DPYSL2: variants seen among roughly 807,000 people sequenced by gnomAD.
The protein encoded by DPYSL2 is dihydropyrimidinase-related protein 2.
Under a neutral mutation model 69.9 loss-of-function variants are expected in DPYSL2, and 13 were observed. The observed-to-expected ratio is 0.19, with a 90% CI of 0.12 to 0.30. The LOEUF is 0.30. Ranked by LOEUF, DPYSL2 falls within the 10% of genes least tolerant of loss-of-function variation. DPYSL2 has a pLI of 1.00. For synonymous variants in DPYSL2, 326 were observed against 359.1 expected (o/e 0.91, Z 1.04); for missense variants, 587 against 918.9 (o/e 0.64, Z 4.67).
At position 26,617,359 on chromosome 8, in the gene DPYSL2, G is replaced by A. The variant is rs145820593; in HGVS notation, c.629-6784G>A. Among the ~76,000 whole-genome samples, 900 of 152,284 alleles carry A rather than the reference G, an allele frequency of 5.9e-3. 10 individuals carry two copies. Among genetic ancestry groups the A allele is most frequent in the African/African-American group, 0.021 (861 of 41,540 alleles). ...AATAATAATAAAATTAGACAGTGTG[G>A]TGGCGCACGCCTGTGGTCCTAGCTA... On this transcript the variant is annotated intron_variant, in intron 3 of 13. Coordinates refer to ENST00000521913, the MANE Select transcript of DPYSL2 (RefSeq NM_001197293.3). The surrounding 1 kb of genome is among the most constrained non-coding windows in gnomAD (Gnocchi z 4.7).
chr8:26,586,570 C>A lies in DPYSL2; in HGVS notation c.628+2587C>A, dbSNP rs1801608696. Among the ~76,000 whole-genome samples, 1 of 152,128 alleles carries A rather than the reference C, an allele frequency of 6.6e-6. No homozygotes were observed. The highest frequency in any genetic ancestry group is 2.4e-5 in the African/African-American group (1 of 41,442). Reference sequence around the variant, plus strand: ...CTCTTTCCTGCCTTCCCTTCCCCACCACAGGAGCATCACCTTCTTGCCACC... The same window carrying A: ...CTCTTTCCTGCCTTCCCTTCCCCACAACAGGAGCATCACCTTCTTGCCACC... On this transcript the variant is annotated intron_variant, in intron 3 of 13. Transcript: ENST00000521913. This position sits in a 1 kb window ranked among gnomAD's most constrained non-coding sequence, Gnocchi z 4.7.
chr8:26,610,989 G>C lies in DPYSL2; in HGVS notation c.629-13154G>C, dbSNP rs116432520. On this transcript the variant is annotated intron_variant, in intron 3 of 13. Transcript: ENST00000521913. This position sits in a 1 kb window ranked among gnomAD's most constrained non-coding sequence, Gnocchi z 4.5. ...ATGGTAGAGCTGGGGTGTAAACTCA[G>C]GCTTTCTGACTCCAAAGTTCATATT... is the stretch of plus-strand genomic sequence containing the variant. Among the ~76,000 whole-genome samples the C allele has an allele frequency of 4.1e-3, 618 of 152,272 alleles. 7 individuals are homozygous for C. Among genetic ancestry groups the C allele is most frequent in the African/African-American group, 0.014 (596 of 41,564 alleles).
chr8:26,537,798 T>C (rs904320076), intron 1 of DPYSL2, among the ~76,000 whole-genome samples: 1 of 152,182 alleles, frequency 6.6e-6, no homozygotes, highest in African/African-American at 2.4e-5. Flanking sequence ...TACCCTCTAA[T>C]CCCCAGATTT....
chr8:26,545,063 A>G (rs1800743798), intron 1 of DPYSL2, among the ~76,000 whole-genome samples: 1 of 152,236 alleles, frequency 6.6e-6, no homozygotes, highest in Admixed American at 6.5e-5. Context: ...CATTAATAGT[A>G]GGGGACTTTG....
rs1018384132 is a variant in DPYSL2, at chr8:26,627,514, G to A, written c.936+219G>A. ...CAGAACATCTAAGTCAGTTACTATT[G>A]CAGAGAGAGGCCATTTCTCTCGGTG... On this transcript the variant is annotated intron_variant, in intron 6 of 13. Coordinates refer to ENST00000521913, the MANE Select transcript of DPYSL2 (RefSeq NM_001197293.3). The surrounding 1 kb of genome is among the most constrained non-coding windows in gnomAD (Gnocchi z 6.9). Among the ~76,000 whole-genome samples the A allele has an allele frequency of 6.6e-6, 1 of 152,078 alleles. No individual in the cohort carries two copies. The highest frequency in any genetic ancestry group is 1.5e-5 in the Non-Finnish European group (1 of 68,010).
intron 3 of DPYSL2, among the ~76,000 whole-genome samples, chr8:26,596,814 C>A (rs149322443): frequency 6.6e-6 from 1 of 152,154 alleles, no homozygotes; most frequent in African/African-American, 2.4e-5. Context: ...TCCTAGAATG[C>A]GAGAGGAACG....
intron 3 of DPYSL2, among the ~76,000 whole-genome samples, chr8:26,622,456 G>T (rs62493361): frequency 5.4e-5 from 6 of 112,124 alleles, no homozygotes; most frequent in Admixed American, 5.0e-4. Flanking sequence ...GTATGTGTGT[G>T]TGTGTGTGTG....
chr8:26,628,375 C>T (rs2129919050), intron 7 of DPYSL2, among the ~76,000 whole-genome samples: 1 of 152,300 alleles, frequency 6.6e-6, no homozygotes, highest in South Asian at 2.1e-4. Context: ...TAACCCTGCA[C>T]AGGATATCAC....
intron 1 of DPYSL2, among the ~76,000 whole-genome samples, chr8:26,559,426 G>A (rs1801039352): frequency 6.6e-6 from 1 of 152,144 alleles, no homozygotes; most frequent in South Asian, 2.1e-4. Flanking sequence ...AAATGAGAGA[G>A]CCCATTGCTT....
At chr8:26,607,992 G>A (rs1404849305) in intron 3 of DPYSL2, among the ~76,000 whole-genome samples, 2 of 150,278 alleles carry the variant, frequency 1.3e-5, no homozygotes, top group Non-Finnish European at 2.9e-5. Context: ...CAGGAGAATC[G>A]CTTGAACCTG....
In DPYSL2 at chr8:26,656,359, C is replaced by G. The variant is rs1803391306; in HGVS notation, c.*653C>G. The stretch of plus-strand genomic sequence containing the variant: ...CCCACCCGCATCGCCATTCTGTAGT[C>G]TTCAGGGTCAGCTGTTGATAAAGGG... On this transcript the variant is annotated 3_prime_UTR_variant, in exon 14 of 14. Coordinates refer to ENST00000521913, the MANE Select transcript of DPYSL2 (RefSeq NM_001197293.3). 1 of 152,512 alleles carries G rather than the reference C, an allele frequency of 6.6e-6. No homozygotes were observed. The highest frequency in any genetic ancestry group is 1.5e-5 in the Non-Finnish European group (1 of 68,024). The allele number at this position is 152,512 out of a possible 1,614,324, so 9.4% of individuals were successfully genotyped here.
rs377248653 is a variant in DPYSL2, at chr8:26,586,760, C to T, written c.628+2777C>T. ...CAGATGGCCTTATGGGCAGGTGGTC[C>T]GGAAAGGGGAGTGAGGAGTCTGACC... is the stretch of plus-strand genomic sequence containing the variant. On this transcript the variant is annotated intron_variant, in intron 3 of 13. Transcript: ENST00000521913. The surrounding 1 kb of genome is among the most constrained non-coding windows in gnomAD (Gnocchi z 4.7). Among the ~76,000 whole-genome samples the T allele has an allele frequency of 1.2e-4, 18 of 152,254 alleles. No homozygotes were observed. The highest frequency in any genetic ancestry group is 3.6e-4 in the African/African-American group (15 of 41,530).
intron 3 of DPYSL2, among the ~76,000 whole-genome samples, chr8:26,623,609 C>A (rs758838959): frequency 6.6e-6 from 1 of 152,186 alleles, no homozygotes; most frequent in Non-Finnish European, 1.5e-5. Context: ...ACACTTTGAA[C>A]TCTTAAGATG....
chr8:26,555,755 CG>C (rs1041351193), intron 1 of DPYSL2, among the ~76,000 whole-genome samples: 6 of 150,110 alleles, frequency 4.0e-5, no homozygotes, highest in Admixed American at 2.7e-4. Flanking sequence ...GGTTGGGGGG[CG>C]TGCACCTGTA....
At chr8:26,592,225 G>A (rs1050086350) in intron 3 of DPYSL2, among the ~76,000 whole-genome samples, 4 of 152,078 alleles carry the variant, frequency 2.6e-5, no homozygotes, top group Non-Finnish European at 5.9e-5. Flanking sequence ...GCAGTGTTGC[G>A]ATCATAGCTC....
Position 26,634,816 on chromosome 8 carries a change from G to A in DPYSL2, c.1042G>A (p.Ala348Thr), listed in dbSNP as rs1451047756. The change falls in exon 8 of 14, where the codon GCC becomes ACC. Residue 348 changes from alanine to threonine, a missense_variant. This residue lies in a region of DPYSL2 where 452 missense variants were observed against 754.3 expected (regional missense o/e 0.60). Coordinates refer to ENST00000521913, the MANE Select transcript of DPYSL2 (RefSeq NM_001197293.3). ...AGCCGTGAATCGTGCCATCACCATCGCCAACCAGACCAACTGCCCGCTGTA... is the reference window on the plus strand; with the variant it reads ...AGCCGTGAATCGTGCCATCACCATCACCAACCAGACCAACTGCCCGCTGTA... The part of the protein sequence containing the change: ...AEAVNRAITI[A>T]NQTNCPLYIT... 8 of 1,614,040 alleles carry A rather than the reference G, an allele frequency of 5.0e-6. No individual in the cohort carries two copies. The highest frequency in any genetic ancestry group is 6.8e-6 in the Non-Finnish European group (8 of 1,180,038).
chr8:26,595,312 T>A (rs1197076429), intron 3 of DPYSL2, among the ~76,000 whole-genome samples: 2 of 152,126 alleles, frequency 1.3e-5, no homozygotes, highest in Non-Finnish European at 2.9e-5. Flanking sequence ...TTCGCTATTT[T>A]TTTTTTCCTC....
intron 7 of DPYSL2, among the ~76,000 whole-genome samples, chr8:26,630,113 C>T (rs756326932): frequency 6.6e-6 from 1 of 152,242 alleles, no homozygotes; most frequent in Non-Finnish European, 1.5e-5. Flanking sequence ...TACACATATA[C>T]ACATGTACAA....
At chr8:26,538,014 C>T (rs1186905138) in intron 1 of DPYSL2, among the ~76,000 whole-genome samples, 1 of 152,166 alleles carries the variant, frequency 6.6e-6, no homozygotes, top group Non-Finnish European at 1.5e-5. Flanking sequence ...GATGTTGCTT[C>T]ATGATTTATA....
Sources: allele counts gnomAD v4.1 joint callset (sites outside exome capture counted in the v4.1 genomes callset), GRCh38; gene constraint gnomAD v4.1.1; regional missense constraint gnomAD v4.1.1; non-coding constraint Gnocchi (gnomAD v3.1); transcripts MANE v1.5; gene names NCBI Gene and HGNC (gene_info 2026-07-23, HGNC 2026-07-21).